The following NAPB variants were observed in gnomAD, a reference collection of about 807,000 sequenced individuals.
NAPB encodes NSF attachment protein beta.
In NAPB, 26 loss-of-function variants were observed where a neutral mutation model predicts 44.7. The ratio of observed to expected loss-of-function variants is 0.58; its 90% CI spans 0.43 to 0.81. The LOEUF is 0.81. Ranked by LOEUF, NAPB falls within the 30% of genes least tolerant of loss-of-function variation. The pLI, the probability that NAPB is intolerant of heterozygous loss-of-function variation, is 0.00. For synonymous variants in NAPB, 120 were observed against 116.8 expected, an observed-to-expected ratio of 1.03 and a Z score of -0.18; for missense variants, 315 against 356.4, an observed-to-expected ratio of 0.88 and a Z score of 0.94.
Position 23,421,466 on chromosome 20 carries a change from C to T in NAPB, c.-64G>A, listed in dbSNP as rs1986436850. On this transcript the variant is annotated 5_prime_UTR_variant, in exon 1 of 11. Coordinates refer to ENST00000377026, the MANE Select transcript of NAPB (RefSeq NM_022080.3). ...CGCTGTGCGCCCAGGCGCCTTAACCCTCCCTCTGGCGGCCGCAGGGACGCA... is the reference window on the plus strand; with the variant it reads ...CGCTGTGCGCCCAGGCGCCTTAACCTTCCCTCTGGCGGCCGCAGGGACGCA... 7.0e-7 allele frequency: 1 copy of T among 1,432,904 alleles called. No homozygotes were observed. The highest frequency in any genetic ancestry group is 1.5e-5 in the African/African-American group (1 of 67,470). 88.8% of individuals were successfully genotyped at this position (1,432,904 alleles called of 1,614,324 possible).
chr20:23,377,189 A>G lies in NAPB; in HGVS notation c.*187T>C, dbSNP rs143287102. 7 of 376,760 alleles carry G rather than the reference A, an allele frequency of 1.9e-5. No homozygotes were observed. Among genetic ancestry groups the G allele is most frequent in the African/African-American group, 1.4e-4 (7 of 48,678 alleles). The allele number at this position is 376,760 out of a possible 1,614,324, so 23.3% of individuals were successfully genotyped here. A position where few individuals can be genotyped will look rare whatever the true frequency, so the allele number is the denominator to read the frequency against. On this transcript the variant is annotated 3_prime_UTR_variant, in exon 11 of 11. Transcript: ENST00000377026. ...CATGAAACAACCCATCATTACCACAAGATGAACAGGAGCCTCTCCTTCATT... is the reference window on the plus strand; with the variant it reads ...CATGAAACAACCCATCATTACCACAGGATGAACAGGAGCCTCTCCTTCATT...
intron 1 of NAPB, among the ~76,000 whole-genome samples, chr20:23,404,833 C>A (rs1985118028): frequency 6.6e-6 from 1 of 152,182 alleles, no homozygotes; most frequent in Non-Finnish European, 1.5e-5. Context: ...CTAGGATGGG[C>A]TACTGTCTGT....
rs36106773 is a variant in NAPB at position 23,421,388 on chromosome 20, C to G, written c.15G>C (p.Gly5=). Residue 5 remains glycine (G), a synonymous_variant, in exon 1 of 11, where the codon GGG becomes GGC. Coordinates refer to ENST00000377026, the MANE Select transcript of NAPB (RefSeq NM_022080.3). The stretch of plus-strand genomic sequence containing the variant: ...TCAGCTGTACTGCCTCACGCTCCTT[C>G]CCCGCGTTGTCCATGTCGCCCGCCG... MDNA[G]KEREAVQLMA... 1,526 of 1,547,966 alleles carry G rather than the reference C, an allele frequency of 9.9e-4. 21 individuals are homozygous for G. In the African/African-American group the frequency reaches 0.018, roughly 18 times the overall value.
At chr20:23,403,174 C>T (rs1358657218) in intron 1 of NAPB, 102 bp from the exon 2 acceptor site, 5 of 801,742 alleles carry the variant, frequency 6.2e-6, no homozygotes, top group Non-Finnish European at 1.0e-5. Flanking sequence ...ATGTGCCAGA[C>T]AAGCATTACA....
chr20:23,418,491 T>C (rs1986156605), intron 1 of NAPB, among the ~76,000 whole-genome samples: 2 of 152,224 alleles, frequency 1.3e-5, no homozygotes, highest in African/African-American at 2.4e-5. Context: ...TCAGTAATTA[T>C]ACAATATTAC....
chr20:23,378,101 A>G (rs1385353686), intron 10 of NAPB, among the ~76,000 whole-genome samples: 1 of 151,546 alleles, frequency 6.6e-6, no homozygotes, highest in Non-Finnish European at 1.5e-5. Context: ...GCTTAAGCCC[A>G]GGAGTTAAGA....
chr20:23,413,130 C>T (rs981634964), intron 1 of NAPB, among the ~76,000 whole-genome samples: 5 of 150,302 alleles, frequency 3.3e-5, no homozygotes, highest in East Asian at 1.9e-4. Context: ...GATTCCGTGT[C>T]GAAAAAAAAA....
intron 1 of NAPB, among the ~76,000 whole-genome samples, chr20:23,415,899 A>G (rs1339940960): frequency 6.6e-6 from 1 of 151,852 alleles, no homozygotes; most frequent in Non-Finnish European, 1.5e-5. Context: ...TCAGGAGGTC[A>G]AGGTTGAAGT....
Position 23,376,255 on chromosome 20 carries a change from T to C in NAPB, c.*1121A>G, listed in dbSNP as rs1982509640. 6.6e-6 allele frequency: 1 copy of C among 152,206 alleles called. No homozygotes were observed. Among genetic ancestry groups the C allele is most frequent in the Admixed American group, 6.5e-5 (1 of 15,280 alleles). The allele number at this position is 152,206 out of a possible 1,614,324, so 9.4% of individuals were successfully genotyped here. A position where few individuals can be genotyped will look rare whatever the true frequency, so the allele number is the denominator to read the frequency against. On this transcript the variant is annotated 3_prime_UTR_variant, in exon 11 of 11. Transcript: ENST00000377026. ...AGTTCATGAATCAAGATAGCATACATATATTATATAAACCAATTAAACACG... is the reference window on the plus strand; with the variant it reads ...AGTTCATGAATCAAGATAGCATACACATATTATATAAACCAATTAAACACG...
chr20:23,405,840 A>G (rs912355678), intron 1 of NAPB, among the ~76,000 whole-genome samples: 1 of 152,254 alleles, frequency 6.6e-6, no homozygotes, highest in Non-Finnish European at 1.5e-5. Context: ...GAGCAGTCAC[A>G]GTGAGATTCC....
chr20:23,386,564 C>T (rs950528300), intron 7 of NAPB, among the ~76,000 whole-genome samples: 1 of 152,192 alleles, frequency 6.6e-6, no homozygotes, highest in East Asian at 1.9e-4. Flanking sequence ...CCAATTCTGG[C>T]ACTTACAAAA....
At chr20:23,384,228 C>T (rs1371748124) in intron 7 of NAPB, among the ~76,000 whole-genome samples, 2 of 152,066 alleles carry the variant, frequency 1.3e-5, no homozygotes, top group African/African-American at 4.8e-5. Flanking sequence ...GGAACTAATC[C>T]CCTGTAGACA....
intron 7 of NAPB, among the ~76,000 whole-genome samples, chr20:23,383,198 T>C (rs1983178263): frequency 6.7e-6 from 1 of 148,470 alleles, no homozygotes; most frequent in Non-Finnish European, 1.5e-5. Context: ...AAAAAGTACT[T>C]GAAGAAATAA....
intron 2 of NAPB, among the ~76,000 whole-genome samples, chr20:23,399,587 A>C (rs2123208844): frequency 6.6e-6 from 1 of 152,366 alleles, no homozygotes; most frequent in Non-Finnish European, 1.5e-5. Flanking sequence ...GGCACTGAAC[A>C]ATCAGAGTAC....
At chr20:23,389,325 T>A (rs1283356566) in intron 7 of NAPB, among the ~76,000 whole-genome samples, 3 of 151,502 alleles carry the variant, frequency 2.0e-5, no homozygotes. Context: ...TATAATGGTG[T>A]AGCCACTGTG....
intron 5 of NAPB, among the ~76,000 whole-genome samples, chr20:23,393,381 G>A (rs907272699): frequency 5.3e-5 from 8 of 152,174 alleles, no homozygotes; most frequent in African/African-American, 1.9e-4. Flanking sequence ...CCAACAGGTG[G>A]AGGTCACACA....
chr20:23,401,563 C>T (rs1256791806), intron 2 of NAPB, among the ~76,000 whole-genome samples: 1 of 152,116 alleles, frequency 6.6e-6, no homozygotes, highest in Non-Finnish European at 1.5e-5. Context: ...GGTTAGAATA[C>T]CTCATCACCA....
chr20:23,393,088 C>T (rs907305605), intron 5 of NAPB, among the ~76,000 whole-genome samples: 5 of 152,146 alleles, frequency 3.3e-5, no homozygotes, highest in Non-Finnish European at 7.3e-5. Context: ...CCCAGACACC[C>T]TGACCAAATA....
chr20:23,395,720 G>A (rs6137929), intron 3 of NAPB, among the ~76,000 whole-genome samples: 11,557 of 152,162 alleles, frequency 0.076, 667 homozygotes, highest in East Asian at 0.3. Context: ...GTTCAAAGAT[G>A]CTAAATTGTA....
Sources: allele counts gnomAD v4.1 joint callset (sites outside exome capture counted in the v4.1 genomes callset), GRCh38; gene constraint gnomAD v4.1.1; transcripts MANE v1.5; gene names NCBI Gene and HGNC (gene_info 2026-07-23, HGNC 2026-07-21).